Variants in SENP7 observed in about 807,000 individuals in gnomAD.
SENP7 encodes the protein SUMO specific peptidase 7, also known as sentrin-specific protease 7.
A neutral mutation model predicts 141.2 loss-of-function variants in SENP7; 64 were observed. The ratio of observed to expected loss-of-function variants is 0.45; its 90% CI spans 0.37 to 0.56. SENP7 has a LOEUF of 0.56. Among genes scored for constraint, SENP7 ranks in the 20% least tolerant of loss-of-function variants. The pLI is 0.00. For missense variants in SENP7, 1,025 were observed against 1,212.2 expected (o/e 0.85, Z 2.29); for synonymous variants, 382 against 426.4 (o/e 0.90, Z 1.28).
At chr3:101,483,721 T>TA (rs1268227815) in intron 3 of SENP7, among the ~76,000 whole-genome samples, 1 of 152,116 alleles carries the variant, frequency 6.6e-6, no homozygotes. Context: ...ACATCCTTCA[T>TA]AAAAATTAAC....
chr3:101,359,971 C>T (rs1404836539), intron 11 of SENP7, among the ~76,000 whole-genome samples: 2 of 151,854 alleles, frequency 1.3e-5, no homozygotes, highest in African/African-American at 2.4e-5. Flanking sequence ...GATTTTCCTT[C>T]CCCCGGCTAA....
intron 4 of SENP7, among the ~76,000 whole-genome samples, chr3:101,432,528 C>A (rs539487707): frequency 6.6e-6 from 1 of 152,182 alleles, no homozygotes; most frequent in Non-Finnish European, 1.5e-5. Flanking sequence ...AGCACAGTCA[C>A]AATGCTGGTG....
At chr3:101,343,644 A>C in intron 14 of SENP7, 42 bp downstream of exon 14, 1 of 1,546,174 alleles carries the variant, frequency 6.5e-7, no homozygotes, top group Non-Finnish European at 8.7e-7. Flanking sequence ...ATGTTTTCTG[A>C]ACCTCCCCCT....
intron 6 of SENP7, among the ~76,000 whole-genome samples, chr3:101,374,758 T>C (rs1345193320): frequency 7.2e-6 from 1 of 139,716 alleles, no homozygotes; most frequent in Admixed American, 7.8e-5. Flanking sequence ...GGCAATAGAA[T>C]GAGGCTCTGT....
At chr3:101,357,513 A>G (rs1471391346) in intron 11 of SENP7, 2 of 1,410,754 alleles carry the variant, frequency 1.4e-6, no homozygotes, top group East Asian at 4.6e-5. Context: ...TGGCCAGAGC[A>G]GAGCATAAAA....
At chr3:101,482,812 T>C (rs1477201039) in intron 3 of SENP7, among the ~76,000 whole-genome samples, 1 of 152,026 alleles carries the variant, frequency 6.6e-6, no homozygotes, top group Non-Finnish European at 1.5e-5. Flanking sequence ...CCCAAATAAA[T>C]ACAGTCAACT....
At chr3:101,505,036 G>T (rs990160686) in intron 1 of SENP7, among the ~76,000 whole-genome samples, 1 of 151,974 alleles carries the variant, frequency 6.6e-6, no homozygotes, top group Non-Finnish European at 1.5e-5. Context: ...CTGCACTCCA[G>T]TCTGGACGAC....
At chr3:101,390,232 A>C (rs1204450263) in intron 6 of SENP7, among the ~76,000 whole-genome samples, 8 of 146,920 alleles carry the variant, frequency 5.4e-5, no homozygotes, top group Admixed American at 5.0e-4. Flanking sequence ...AAAAAAAAAA[A>C]AAAAAAAAAA....
intron 11 of SENP7, 75 bp downstream of exon 11, chr3:101,361,640 A>G: frequency 7.2e-7 from 1 of 1,392,786 alleles, no homozygotes; most frequent in Non-Finnish European, 9.4e-7. Flanking sequence ...ATTTGTGCTA[A>G]GAAAAAAAAG....
chr3:101,397,329 C>A (rs2060998978), intron 6 of SENP7, among the ~76,000 whole-genome samples: 1 of 152,032 alleles, frequency 6.6e-6, no homozygotes, highest in Non-Finnish European at 1.5e-5. Context: ...AACAAGATCT[C>A]ACTATGCCTC....
chr3:101,346,389 C>A (rs1559697060), intron 13 of SENP7, among the ~76,000 whole-genome samples: 2 of 152,082 alleles, frequency 1.3e-5, no homozygotes, highest in Non-Finnish European at 2.9e-5. Context: ...ACCATTTGAT[C>A]CAGCAATCCC....
At chr3:101,498,636 C>T (rs2108139759) in intron 2 of SENP7, among the ~76,000 whole-genome samples, 1 of 152,284 alleles carries the variant, frequency 6.6e-6, no homozygotes, top group African/African-American at 2.4e-5. Context: ...TGGATTGGAT[C>T]TGGCAACAGA....
At chr3:101,375,981 A>G (rs1489150259) in intron 6 of SENP7, among the ~76,000 whole-genome samples, 1 of 152,222 alleles carries the variant, frequency 6.6e-6, no homozygotes, top group African/African-American at 2.4e-5. Flanking sequence ...AGAATGGGGA[A>G]TTATTATTTA....
chr3:101,440,677 A>G (rs1309848749), intron 4 of SENP7, among the ~76,000 whole-genome samples: 4 of 152,156 alleles, frequency 2.6e-5, no homozygotes, highest in Middle Eastern at 3.4e-3. Flanking sequence ...CTATAATGAC[A>G]GTATTAGCCT....
intron 3 of SENP7, among the ~76,000 whole-genome samples, chr3:101,464,650 G>T (rs1017416558): frequency 6.6e-6 from 1 of 151,998 alleles, no homozygotes; most frequent in African/African-American, 2.4e-5. Flanking sequence ...CTACATTATG[G>T]TAAGTTGTAT....
intron 5 of SENP7, among the ~76,000 whole-genome samples, chr3:101,412,792 T>C (rs2061492329): frequency 6.6e-6 from 1 of 152,038 alleles, no homozygotes; most frequent in Non-Finnish European, 1.5e-5. Flanking sequence ...TGTCTGGAAT[T>C]TTCTCCCAGG....
chr3:101,413,760 A>G (rs890120140), intron 5 of SENP7, among the ~76,000 whole-genome samples: 6 of 151,934 alleles, frequency 3.9e-5, no homozygotes, highest in African/African-American at 1.4e-4. Context: ...TTCCAAGACA[A>G]GAAAACAAAC....
At chr3:101,444,430 G>C (rs2062804260) in intron 4 of SENP7, among the ~76,000 whole-genome samples, 1 of 151,960 alleles carries the variant, frequency 6.6e-6, no homozygotes, top group Admixed American at 6.6e-5. Context: ...CTGATATAAA[G>C]ACACATGCAC....
chr3:101,414,966 T>C (rs1259611712), intron 5 of SENP7, among the ~76,000 whole-genome samples: 1 of 152,186 alleles, frequency 6.6e-6, no homozygotes, highest in East Asian at 1.9e-4. Context: ...ACTACACAGG[T>C]ACCAATAGGC....
Sources: gnomAD v4.1 joint callset for allele counts (sites outside exome capture counted in the v4.1 genomes callset) on GRCh38, gnomAD v4.1.1 for gene constraint, MANE v1.5 for transcripts, NCBI Gene and HGNC (gene_info 2026-07-23, HGNC 2026-07-21) for gene names.